Variants in PCSK4 observed in about 807,000 individuals in gnomAD.
PCSK4 encodes proprotein convertase subtilisin/kexin type 4.
A neutral mutation model predicts 80.3 loss-of-function variants in PCSK4; 64 were observed. That is an observed-to-expected ratio of 0.80 (90% CI 0.65 to 0.98). The LOEUF (loss-of-function observed/expected upper bound fraction) is 0.98, where lower values mean the gene tolerates loss of function less well. PCSK4 is among the 50% of genes least tolerant of loss of function. The probability of loss-of-function intolerance (pLI) is 0.00; values close to 1 mark genes in which losing one functional copy is unlikely to be tolerated. For missense variants in PCSK4, 1,213 were observed against 1,093.6 expected (o/e 1.11, Z -1.54); for synonymous variants, 561 against 487.6 (o/e 1.15, Z -1.98).
exon 15 of PCSK4, chr19:1,481,593 C>T: frequency 2.0e-6 from 1 of 507,884 alleles, no homozygotes; most frequent in Non-Finnish European, 3.4e-6. Flanking sequence ...AGACTTCTCT[C>T]TCTCTCTCTC....
chr19:1,487,310 A>T, exon 7 of PCSK4: 2 of 1,585,986 alleles, frequency 1.3e-6, no homozygotes, highest in Non-Finnish European at 1.7e-6. Flanking sequence ...CAGCATCCGT[A>T]CGCCTGCAGA....
At position 1,487,810 on chromosome 19, in the gene PCSK4, G is replaced by A. The variant is rs764900724; in HGVS notation, c.568C>T (p.Arg190Cys). ...CGGTTCTCTTTGCTGGGGGTGTAGCGGGGCTGGGGGTCCGGGTCGTAGTCA... is the reference window on the plus strand; with the variant it reads ...CGGTTCTCTTTGCTGGGGGTGTAGCAGGGCTGGGGGTCCGGGTCGTAGTCA... The change falls in exon 5 of 15, where the codon CGC becomes TGC. Residue 190 changes from arginine to cysteine, a missense_variant. By Grantham distance (180) the Arg-to-Cys change is radical. Coordinates refer to ENST00000300954, the Ensembl canonical transcript of PCSK4. The A allele has an allele frequency of 1.1e-5, 17 of 1,578,324 alleles. No homozygotes were observed. The highest frequency in any genetic ancestry group is 1.4e-5 in the African/African-American group (1 of 74,026).
chr19:1,490,436 C>T (rs2084891096), upstream of PCSK4: 3 of 568,004 alleles, frequency 5.3e-6, no homozygotes, highest in Admixed American at 3.6e-5. Flanking sequence ...CCCCCGGCGC[C>T]ATAGCAACGC....
intron 2 of PCSK4, chr19:1,489,465 G>A: frequency 6.2e-6 from 2 of 321,340 alleles, no homozygotes; most frequent in Middle Eastern, 9.6e-4. Context: ...CCATTACGGT[G>A]TCGTAAAATC....
intron 1 of PCSK4, 110 bp from the exon 2 acceptor site, chr19:1,490,007 G>C (rs1474450406): frequency 2.6e-6 from 4 of 1,525,764 alleles, no homozygotes; most frequent in Admixed American, 4.0e-5. Flanking sequence ...GTGCTCTCTG[G>C]GAGTCCCAGA....
At chr19:1,484,038 C>T (rs1002821734) in exon 9 of PCSK4, 7 of 1,548,114 alleles carry the variant, frequency 4.5e-6, no homozygotes, top group African/African-American at 1.4e-5. Context: ...TGGCCTCCAG[C>T]GCTAGGGCGA....
exon 12 of PCSK4, chr19:1,483,322 G>C: frequency 6.2e-7 from 1 of 1,609,102 alleles, no homozygotes; most frequent in South Asian, 1.1e-5. Flanking sequence ...CCATGGGGCT[G>C]GTGAGCGAGA....
At chr19:1,487,044 G>C in exon 8 of PCSK4, 1 of 1,606,966 alleles carries the variant, frequency 6.2e-7, no homozygotes, top group African/African-American at 1.3e-5. Flanking sequence ...CAGATGAAGA[G>C]CGTGCCCAGC....
At chr19:1,481,584 G>T in exon 15 of PCSK4, 1 of 492,214 alleles carries the variant, frequency 2.0e-6, no homozygotes, top group South Asian at 4.4e-5. Context: ...ATGCAGAGGA[G>T]ACTTCTCTCT....
chr19:1,488,277 G>A lies in PCSK4; in HGVS notation c.298C>T (p.Gln100Ter). Residue 100 changes from glutamine to a stop codon, truncating the protein, a stop_gained, in exon 3 of 15, where the codon CAG becomes TAG. Transcript: ENST00000300954. LOFTEE classifies it high-confidence loss of function. Reference sequence around the variant, plus strand: ...TGCAGCGTCTGCTGCTGGAACCACTGCACCTGCAGAGCAGAGGGTGCATCA... The same window carrying A: ...TGCAGCGTCTGCTGCTGGAACCACTACACCTGCAGAGCAGAGGGTGCATCA... 6.2e-7 allele frequency: 1 copy of A among 1,612,356 alleles called. No individual in the cohort carries two copies. Among genetic ancestry groups the A allele is most frequent in the Non-Finnish European group, 8.5e-7 (1 of 1,179,376 alleles).
exon 7 of PCSK4, chr19:1,487,296 C>A: frequency 6.3e-7 from 1 of 1,593,972 alleles, no homozygotes. Context: ...GTGATGGTAC[C>A]GTCCAGCATC....
intron 6 of PCSK4, 105 bp from the exon 7 acceptor site, chr19:1,487,418 T>G: frequency 9.6e-7 from 1 of 1,037,796 alleles, no homozygotes; most frequent in Non-Finnish European, 1.4e-6. Flanking sequence ...ACCTGGGCCC[T>G]CTCTCTGCTC....
At chr19:1,487,252 C>T (rs748082011) in exon 7 of PCSK4, 5 of 1,604,524 alleles carry the variant, frequency 3.1e-6, no homozygotes, top group African/African-American at 2.7e-5. Flanking sequence ...TGTGCTGCGG[C>T]TGCAGGCTCA....
At position 1,488,101 on chromosome 19, in the gene PCSK4, G is replaced by A; in HGVS notation, c.388-9C>T. The A allele has an allele frequency of 6.2e-7, 1 of 1,612,836 alleles. No homozygotes were observed. Among genetic ancestry groups the A allele is most frequent in the South Asian group, 1.1e-5 (1 of 91,064 alleles). On this transcript the variant is annotated splice_polypyrimidine_tract_variant and intron_variant, in intron 3 of 14. Transcript: ENST00000300954. ...GGTTGGGCCTCGCTGTTCTGCAGGGGGAGGCGGGGTTGTGACCCTGTGAGG... is the reference window on the plus strand; with the variant it reads ...GGTTGGGCCTCGCTGTTCTGCAGGGAGAGGCGGGGTTGTGACCCTGTGAGG...
exon 9 of PCSK4, chr19:1,484,108 T>A (rs1420864536): frequency 1.3e-6 from 2 of 1,563,218 alleles, no homozygotes; most frequent in East Asian, 2.4e-5. Context: ...TGTGCACCCG[T>A]GATGCAGGTC....
At chr19:1,489,819 G>A (rs770385303) in exon 2 of PCSK4, 2 of 1,610,560 alleles carry the variant, frequency 1.2e-6, no homozygotes, top group African/African-American at 1.3e-5. Context: ...AGGTGCAGGC[G>A]GTGGCCCCAG....
Sources: allele counts gnomAD v4.1 joint callset, GRCh38; gene constraint gnomAD v4.1.1; transcripts MANE v1.5; gene names NCBI Gene and HGNC (gene_info 2026-07-23, HGNC 2026-07-21).